QRFPR: variants seen among roughly 807,000 people sequenced by gnomAD.
QRFPR encodes the protein pyroglutamylated RFamide peptide receptor, also known as pyroglutamylated RF-amide peptide receptor.
A neutral mutation model predicts 31.3 loss-of-function variants in QRFPR; 37 were observed. The observed-to-expected ratio is 1.18, with a 90% CI of 0.91 to 1.56. The LOEUF (loss-of-function observed/expected upper bound fraction) is 1.56, where lower values mean the gene tolerates loss of function less well. Ranked by LOEUF, QRFPR falls within the 40% of genes most tolerant of loss-of-function variation. QRFPR has a pLI of 0.00. For synonymous variants in QRFPR, 197 were observed against 192.0 expected (o/e 1.03, Z -0.22); for missense variants, 542 against 532.5 (o/e 1.02, Z -0.18).
At chr4:121,340,346 C>A (rs752135968) in intron 2 of QRFPR, 106 bp downstream of exon 2, 12 of 1,200,330 alleles carry the variant, frequency 1.0e-5, no homozygotes, top group Non-Finnish European at 1.4e-5. Context: ...TATTCCAATG[C>A]CTACAAGTTA....
At chr4:121,358,207 A>T (rs1725906588) in intron 1 of QRFPR, among the ~76,000 whole-genome samples, 1 of 152,222 alleles carries the variant, frequency 6.6e-6, no homozygotes, top group South Asian at 2.1e-4. Context: ...AATACCTAGA[A>T]TGTTGTTTAT....
intron 1 of QRFPR, among the ~76,000 whole-genome samples, chr4:121,369,061 C>T (rs1423671192): frequency 6.6e-6 from 1 of 152,210 alleles, no homozygotes; most frequent in African/African-American, 2.4e-5. Context: ...CGGAGTCTCA[C>T]TCTGTCGCCC....
chr4:121,369,744 C>A, intron 1 of QRFPR: 1 of 1,602,708 alleles, frequency 6.2e-7, no homozygotes, highest in South Asian at 1.1e-5. Context: ...GGATTTGGGC[C>A]AGGTAAGGCT....
rs146779986 is a variant in QRFPR at position 121,380,912 on chromosome 4, T to C, written c.-265A>G. 66 of 476,072 alleles carry C rather than the reference T, an allele frequency of 1.4e-4. No homozygotes were observed. In the East Asian group the frequency reaches 2.2e-3, roughly 16 times the overall value. 29.5% of individuals were successfully genotyped at this position (476,072 alleles called of 1,614,324 possible). A position where few individuals can be genotyped will look rare whatever the true frequency, so the allele number is the denominator to read the frequency against. Reference sequence around the variant, plus strand: ...GACCAAAAAATGTTCGCGGTTCAAATAAAGTTCTTCCCTTGCTCTTCCCTA... The same window carrying C: ...GACCAAAAAATGTTCGCGGTTCAAACAAAGTTCTTCCCTTGCTCTTCCCTA... On this transcript the variant is annotated 5_prime_UTR_variant, in exon 1 of 6. Coordinates refer to ENST00000394427, the MANE Select transcript of QRFPR (RefSeq NM_198179.3).
At chr4:121,339,122 C>T (rs1725491647) in intron 2 of QRFPR, among the ~76,000 whole-genome samples, 1 of 152,194 alleles carries the variant, frequency 6.6e-6, no homozygotes. Flanking sequence ...ATTGCAAAGC[C>T]TGCAGGGGTT....
intron 1 of QRFPR, among the ~76,000 whole-genome samples, chr4:121,366,998 T>C (rs945029356): frequency 6.7e-6 from 1 of 150,112 alleles, no homozygotes. Context: ...GACATCATTG[T>C]TTCACGGTCA....
At chr4:121,372,542 C>A (rs975416819) in intron 1 of QRFPR, among the ~76,000 whole-genome samples, 1 of 152,108 alleles carries the variant, frequency 6.6e-6, no homozygotes, top group Non-Finnish European at 1.5e-5. Context: ...TTTTTCATAA[C>A]CCCAAACAGA....
At chr4:121,362,421 G>C (rs2110479674) in intron 1 of QRFPR, among the ~76,000 whole-genome samples, 1 of 150,018 alleles carries the variant, frequency 6.7e-6, no homozygotes, top group East Asian at 2.0e-4. Flanking sequence ...TTGGCATGTT[G>C]ACGTAAGAAA....
chr4:121,333,187 G>A, intron 3 of QRFPR, 131 bp from the exon 4 acceptor site: 1 of 610,782 alleles, frequency 1.6e-6, no homozygotes, highest in South Asian at 2.2e-5. Flanking sequence ...TTTCAAATGA[G>A]ATACATTTTT....
intron 1 of QRFPR, among the ~76,000 whole-genome samples, chr4:121,358,494 A>G (rs1220993281): frequency 6.6e-6 from 1 of 152,186 alleles, no homozygotes; most frequent in Non-Finnish European, 1.5e-5. Context: ...ACTGAAAAGA[A>G]TTCCAACTTC....
intron 1 of QRFPR, among the ~76,000 whole-genome samples, chr4:121,347,304 A>G (rs189704628): frequency 3.7e-3 from 566 of 152,208 alleles, no homozygotes; most frequent in African/African-American, 0.013. Context: ...CCCATAAACC[A>G]CTTTTTTTTA....
At chr4:121,365,516 ATT>A (rs1491287280) in intron 1 of QRFPR, among the ~76,000 whole-genome samples, 2,145 of 28,668 alleles carry the variant, frequency 0.075, 839 homozygotes, top group East Asian at 0.4. Flanking sequence ...TATAATATAT[ATT>A]ATATATATTA....
At position 121,380,992 on chromosome 4, in the gene QRFPR, G is replaced by A. The variant is rs1054454573; in HGVS notation, c.-345C>T. 3.6e-5 allele frequency: 8 copies of A among 225,008 alleles called. No homozygotes were observed. Among genetic ancestry groups the A allele is most frequent in the Admixed American group, 2.3e-4 (4 of 17,478 alleles). The allele number at this position is 225,008 out of a possible 1,614,324, so 13.9% of individuals were successfully genotyped here. A position where few individuals can be genotyped will look rare whatever the true frequency, so the allele number is the denominator to read the frequency against. ...TGGAGCGCCACGCGAGGGTCCTGGC[G>A]CCTCTGGCTCCCCGCCTTCTGGCCA... On this transcript the variant is annotated 5_prime_UTR_variant, in exon 1 of 6. Transcript: ENST00000394427.
At chr4:121,358,244 A>T (rs2110477818) in intron 1 of QRFPR, among the ~76,000 whole-genome samples, 1 of 152,350 alleles carries the variant, frequency 6.6e-6, no homozygotes, top group African/African-American at 2.4e-5. Context: ...TATAAGAGAT[A>T]CCTACACTGG....
intron 1 of QRFPR, among the ~76,000 whole-genome samples, chr4:121,373,919 C>A (rs868688718): frequency 3.9e-5 from 6 of 152,104 alleles, no homozygotes; most frequent in African/African-American, 1.4e-4. Context: ...TAAAGTCATG[C>A]AAAATTCTAA....
intron 3 of QRFPR, among the ~76,000 whole-genome samples, chr4:121,335,697 C>G (rs538080259): frequency 6.6e-6 from 1 of 151,876 alleles, no homozygotes; most frequent in Non-Finnish European, 1.5e-5. Context: ...ACTATTCACA[C>G]TGAGGGAAGG....
At chr4:121,358,531 G>A (rs1477481950) in intron 1 of QRFPR, among the ~76,000 whole-genome samples, 2 of 151,984 alleles carry the variant, frequency 1.3e-5, no homozygotes, top group African/African-American at 4.8e-5. Flanking sequence ...ATTAATTTTT[G>A]TTTTGTTTTC....
chr4:121,333,844 A>G (rs1314759391), intron 3 of QRFPR, among the ~76,000 whole-genome samples: 4 of 152,118 alleles, frequency 2.6e-5, no homozygotes, highest in Admixed American at 6.5e-5. Flanking sequence ...ATTTATCAAA[A>G]CCATTGTTAT....
At chr4:121,380,166 A>G (rs894782801) in intron 1 of QRFPR, 142 bp downstream of exon 1, 45 of 620,950 alleles carry the variant, frequency 7.2e-5, no homozygotes, top group Non-Finnish European at 1.1e-4. Context: ...CAGACGAGAG[A>G]GAGACAGACA....
Sources: gnomAD v4.1 joint callset for allele counts (sites outside exome capture counted in the v4.1 genomes callset) on GRCh38, gnomAD v4.1.1 for gene constraint, MANE v1.5 for transcripts, NCBI Gene and HGNC (gene_info 2026-07-23, HGNC 2026-07-21) for gene names.